Variants in MLLT1 observed in about 807,000 individuals in gnomAD.
MLLT1 encodes the protein protein ENL.
In MLLT1, 11 loss-of-function variants were observed where a neutral mutation model predicts 55.1. The observed-to-expected ratio is 0.20, with a 90% confidence interval of 0.13 to 0.33. MLLT1 has a LOEUF of 0.33. MLLT1 is among the 10% of genes least tolerant of loss of function. The probability of loss-of-function intolerance (pLI) is 1.00; values close to 1 mark genes in which losing one functional copy is unlikely to be tolerated. For synonymous variants in MLLT1, 323 were observed against 320.1 expected, an observed-to-expected ratio of 1.01 and a Z score of -0.10; for missense variants, 536 against 760.6, an observed-to-expected ratio of 0.70 and a Z score of 3.47.
chr19:6,237,939 C>CA (rs990413919), intron 3 of MLLT1, among the ~76,000 whole-genome samples: 4 of 151,656 alleles, frequency 2.6e-5, no homozygotes, highest in African/African-American at 4.8e-5. Context: ...CTCATCTCTA[C>CA]AAAAAAAATT....
chr19:6,246,281 C>T (rs960118520), intron 3 of MLLT1, among the ~76,000 whole-genome samples: 2 of 152,128 alleles, frequency 1.3e-5, no homozygotes, highest in African/African-American at 4.8e-5. Flanking sequence ...TAGCAATCTC[C>T]ACTCATTTAC....
intron 1 of MLLT1, among the ~76,000 whole-genome samples, chr19:6,271,338 G>A (rs992537177): frequency 2.0e-5 from 3 of 152,156 alleles, no homozygotes; most frequent in African/African-American, 4.8e-5. Flanking sequence ...AGCGCCTCCC[G>A]GAGGCCCCTC....
At position 6,222,540 on chromosome 19, in the gene MLLT1, G is replaced by T. The variant is rs780725072; in HGVS notation, c.691C>A (p.Arg231=). Residue 231 remains arginine (R), a synonymous_variant, in exon 6 of 12, where the codon CGG becomes AGG. Transcript: ENST00000252674. This position sits in a 1 kb window ranked among gnomAD's most constrained non-coding sequence, Gnocchi z 4.1. ...EQAKSSKDTS[R]KLGEGRLPKE... ...GGCAGCCGGCCCTCGCCCAGCTTCC[G>T]CGAGGTGTCCTTGGAGCTTTTGGCC... 1.2e-5 allele frequency: 19 copies of T among 1,600,804 alleles called. No individual in the cohort carries two copies. In the South Asian group the frequency reaches 1.9e-4, roughly 16 times the overall value.
intron 3 of MLLT1, among the ~76,000 whole-genome samples, chr19:6,244,984 C>T (rs539084033): frequency 6.6e-6 from 1 of 152,160 alleles, no homozygotes; most frequent in East Asian, 1.9e-4. Flanking sequence ...TCATACCCGG[C>T]TGGGGGGGAA....
At chr19:6,267,970 G>A (rs756495913) in intron 2 of MLLT1, among the ~76,000 whole-genome samples, 15 of 152,112 alleles carry the variant, frequency 9.9e-5, no homozygotes, top group African/African-American at 1.9e-4. Context: ...TGCAGGCACC[G>A]AACATGTAGC....
At position 6,212,297 on chromosome 19, in the gene MLLT1, G is replaced by C. The variant is rs1439807566; in HGVS notation, c.*745C>G. ...AGGAGGCGGCGGCATCCTTGGAACG[G>C]CAAAGGGAGAATTCCTCCATGCGCC... On this transcript the variant is annotated 3_prime_UTR_variant, in exon 12 of 12. Transcript: ENST00000252674. 1.9e-6 allele frequency: 2 copies of C among 1,065,646 alleles called. No individual in the cohort carries two copies. The highest frequency in any genetic ancestry group is 3.3e-5 in the African/African-American group (2 of 61,142). 66.0% of individuals were successfully genotyped at this position (1,065,646 alleles called of 1,614,324 possible).
chr19:6,247,505 C>G (rs2091179751), intron 3 of MLLT1, among the ~76,000 whole-genome samples: 1 of 152,162 alleles, frequency 6.6e-6, no homozygotes, highest in African/African-American at 2.4e-5. Context: ...AACCAAATAC[C>G]TATGAATCCA....
chr19:6,279,501 G>T (rs1279138907), intron 1 of MLLT1, among the ~76,000 whole-genome samples: 1 of 151,860 alleles, frequency 6.6e-6, no homozygotes, highest in Non-Finnish European at 1.5e-5. Flanking sequence ...GGTCTCCCGG[G>T]GGTCTCCGAG....
Position 6,256,327 on chromosome 19 carries a change from T to C in MLLT1, c.276+5901A>G, listed in dbSNP as rs533786744. Among the ~76,000 whole-genome samples, 52 of 152,106 alleles carry C rather than the reference T, an allele frequency of 3.4e-4. No individual in the cohort carries two copies. The highest frequency in any genetic ancestry group is 1.7e-3 in the South Asian group (8 of 4,818). ...TAATAAAATTAGCTGGATGTGGTGGTGCAGGCCCGTGGTTCCAGCTACCTG... is the reference window on the plus strand; with the variant it reads ...TAATAAAATTAGCTGGATGTGGTGGCGCAGGCCCGTGGTTCCAGCTACCTG... On this transcript the variant is annotated intron_variant, in intron 3 of 11. Transcript: ENST00000252674. This position sits in a 1 kb window ranked among gnomAD's most constrained non-coding sequence, Gnocchi z 4.1.
rs767948477 is a variant in MLLT1 at position 6,222,111 on chromosome 19, A to G, written c.1110+10T>C. 4.0e-6 allele frequency: 6 copies of G among 1,495,746 alleles called. No homozygotes were observed. The highest frequency in any genetic ancestry group is 5.4e-6 in the Non-Finnish European group (6 of 1,120,572). 92.7% of individuals were successfully genotyped at this position (1,495,746 alleles called of 1,614,324 possible). A position where few individuals can be genotyped will look rare whatever the true frequency, so the allele number is the denominator to read the frequency against. On this transcript the variant is annotated intron_variant, in intron 6 of 11. Transcript: ENST00000252674. The surrounding 1 kb of genome is among the most constrained non-coding windows in gnomAD (Gnocchi z 4.1). Reference sequence around the variant, plus strand: ...TGCACCTGGCTGCCCTGCCCCCAGCACTCACTCACCTCGGACTTGAAGGAG... The same window carrying G: ...TGCACCTGGCTGCCCTGCCCCCAGCGCTCACTCACCTCGGACTTGAAGGAG...
Position 6,266,550 on chromosome 19 carries a change from A to G in MLLT1, c.193+4029T>C, listed in dbSNP as rs893927719. 7.0e-4 allele frequency among the ~76,000 whole-genome samples: 107 copies of G among 151,980 alleles called. No individual in the cohort carries two copies. The East Asian group carries it at 0.015, about 21-fold the overall frequency. ...CAGCTCACTGCAACCTCTGCCTCCC[A>G]GGTTCAAGCGATTTTCCTGCCTCGG... is the stretch of plus-strand genomic sequence containing the variant. On this transcript the variant is annotated intron_variant, in intron 2 of 11. Transcript: ENST00000252674.
At chr19:6,213,900 G>T in intron 9 of MLLT1, 39 bp downstream of exon 9, 2 of 1,492,080 alleles carry the variant, frequency 1.3e-6, no homozygotes, top group Non-Finnish European at 1.8e-6. Flanking sequence ...GCTAAGCCCG[G>T]CCTCTGGTGC....
rs559315895 is a variant in MLLT1 at position 6,216,944 on chromosome 19, G to A, written c.1199-431C>T. On this transcript the variant is annotated intron_variant, in intron 7 of 11. Transcript: ENST00000252674. The stretch of plus-strand genomic sequence containing the variant: ...GATCTCTCTTCCTGCACCCTACGCC[G>A]GCCTGCCCACCCCCTCGGTAATCCC... The A allele has an allele frequency of 2.4e-4, 42 of 177,236 alleles. 1 individual carries two copies. In the South Asian group the frequency reaches 3.1e-3, roughly 13 times the overall value. The allele number at this position is 177,236 out of a possible 1,614,324, so 11.0% of individuals were successfully genotyped here.
At chr19:6,260,814 C>G (rs1409746630) in intron 3 of MLLT1, among the ~76,000 whole-genome samples, 2 of 152,220 alleles carry the variant, frequency 1.3e-5, no homozygotes, top group African/African-American at 4.8e-5. Flanking sequence ...CCACTGCGCT[C>G]CAGCCTGGGC....
intron 2 of MLLT1, among the ~76,000 whole-genome samples, chr19:6,266,603 T>C (rs35564420): frequency 0.28 from 42,747 of 151,938 alleles, 6,986 homozygotes; most frequent in African/African-American, 0.44. Flanking sequence ...ATTACAGGCA[T>C]CCTCACTGCC....
chr19:6,237,407 C>T (rs544193355), intron 3 of MLLT1, among the ~76,000 whole-genome samples: 3 of 152,250 alleles, frequency 2.0e-5, no homozygotes, highest in Admixed American at 6.5e-5. Context: ...GCTTGTCCAG[C>T]GGCTGCTCAG....
intron 3 of MLLT1, among the ~76,000 whole-genome samples, chr19:6,253,128 T>C (rs539446056): frequency 6.6e-6 from 1 of 150,966 alleles, no homozygotes; most frequent in Admixed American, 6.6e-5. Context: ...TAGCCAGGTA[T>C]GGTGGGCACA....
chr19:6,252,760 A>G (rs2091227681), intron 3 of MLLT1, among the ~76,000 whole-genome samples: 1 of 152,190 alleles, frequency 6.6e-6, no homozygotes, highest in Admixed American at 6.5e-5. Flanking sequence ...AATCAATAAA[A>G]TCAAGTTTTT....
intron 1 of MLLT1, among the ~76,000 whole-genome samples, chr19:6,271,381 C>T (rs944094652): frequency 6.6e-6 from 1 of 152,192 alleles, no homozygotes; most frequent in Admixed American, 6.5e-5. Flanking sequence ...ACAACACTGG[C>T]TTTCAGTTTC....
Sources: gnomAD v4.1 joint callset for allele counts (sites outside exome capture counted in the v4.1 genomes callset) on GRCh38, gnomAD v4.1.1 for gene constraint, Gnocchi (gnomAD v3.1) non-coding constraint, MANE v1.5 for transcripts, NCBI Gene and HGNC (gene_info 2026-07-23, HGNC 2026-07-21) for gene names.